The following LRRC8D variants were observed in gnomAD, a reference collection of about 807,000 sequenced individuals.
LRRC8D encodes volume-regulated anion channel subunit LRRC8D.
LRRC8D carries 20 observed loss-of-function variants against 55.8 expected under a neutral mutation model. That is an observed-to-expected ratio of 0.36 (90% CI 0.25 to 0.52). LRRC8D has a LOEUF of 0.52. Among genes scored for constraint, LRRC8D ranks in the 20% least tolerant of loss-of-function variants. LRRC8D has a pLI of 0.93. For missense variants in LRRC8D, 651 were observed against 1,030.8 expected, an observed-to-expected ratio of 0.63 and a Z score of 5.05; for synonymous variants, 352 against 377.0, an observed-to-expected ratio of 0.93 and a Z score of 0.77.
At chr1:89,874,944 A>G (rs1229110242) in intron 2 of LRRC8D, among the ~76,000 whole-genome samples, 4 of 152,140 alleles carry the variant, frequency 2.6e-5, no homozygotes, top group South Asian at 2.1e-4. Flanking sequence ...TACAGTGGGA[A>G]TATGTTCCTA....
chr1:89,926,435 GC>G (rs539731007), intron 2 of LRRC8D, among the ~76,000 whole-genome samples: 1 of 152,208 alleles, frequency 6.6e-6, no homozygotes, highest in South Asian at 2.1e-4. Flanking sequence ...TTGGCACGGG[GC>G]TGGTAGCTTT....
At chr1:89,827,959 A>G (rs115574088) in intron 1 of LRRC8D, among the ~76,000 whole-genome samples, 32 of 152,344 alleles carry the variant, frequency 2.1e-4, no homozygotes, top group Non-Finnish European at 3.5e-4. Context: ...TTAAATACAT[A>G]TATTCAGACC....
intron 2 of LRRC8D, among the ~76,000 whole-genome samples, chr1:89,896,578 C>G (rs1662718993): frequency 1.3e-5 from 2 of 151,988 alleles, no homozygotes; most frequent in African/African-American, 2.4e-5. Context: ...AGGGCAAGCT[C>G]CTGTGTGAAG....
intron 1 of LRRC8D, among the ~76,000 whole-genome samples, chr1:89,841,295 C>A (rs987522767): frequency 2.6e-5 from 4 of 152,040 alleles, no homozygotes; most frequent in African/African-American, 9.7e-5. Context: ...ACTTGAAGGC[C>A]ATGGTCATCT....
At chr1:89,892,765 C>T (rs1409595270) in intron 2 of LRRC8D, among the ~76,000 whole-genome samples, 2 of 152,152 alleles carry the variant, frequency 1.3e-5, no homozygotes, top group Admixed American at 1.3e-4. Context: ...CATGATCCAC[C>T]CACCTCGGCC....
At chr1:89,892,658 A>G (rs1047456138) in intron 2 of LRRC8D, among the ~76,000 whole-genome samples, 1 of 152,130 alleles carries the variant, frequency 6.6e-6, no homozygotes, top group Non-Finnish European at 1.5e-5. Flanking sequence ...AGCTGGGGCT[A>G]TAGGCGCCCG....
At chr1:89,843,496 A>G (rs1261347655) in intron 1 of LRRC8D, 142 bp from the exon 2 acceptor site, 7 of 497,052 alleles carry the variant, frequency 1.4e-5, no homozygotes, top group African/African-American at 5.9e-5. Flanking sequence ...CGCCACGGCC[A>G]GGGGAGCGCT....
chr1:89,837,412 G>A (rs1397394550), intron 1 of LRRC8D, among the ~76,000 whole-genome samples: 1 of 152,104 alleles, frequency 6.6e-6, no homozygotes, highest in Non-Finnish European at 1.5e-5. Context: ...TGTATTTATG[G>A]CACTGTACCT....
chr1:89,926,891 C>T (rs1663577713), intron 2 of LRRC8D, among the ~76,000 whole-genome samples: 1 of 152,188 alleles, frequency 6.6e-6, no homozygotes, highest in Non-Finnish European at 1.5e-5. Context: ...TATTTAATGT[C>T]CACAACTTCC....
intron 2 of LRRC8D, among the ~76,000 whole-genome samples, chr1:89,885,305 A>G (rs1355349925): frequency 6.6e-6 from 1 of 152,214 alleles, no homozygotes; most frequent in South Asian, 2.1e-4. Flanking sequence ...CTTCCTGCCT[A>G]AAATGCTGCA....
At chr1:89,881,783 CT>C (rs1662292892) in intron 2 of LRRC8D, among the ~76,000 whole-genome samples, 1 of 152,212 alleles carries the variant, frequency 6.6e-6, no homozygotes, top group South Asian at 2.1e-4. Flanking sequence ...TCATTTTTAG[CT>C]TCTGTTTTTC....
intron 2 of LRRC8D, among the ~76,000 whole-genome samples, chr1:89,889,519 A>C (rs980197683): frequency 6.6e-6 from 1 of 152,004 alleles, no homozygotes; most frequent in African/African-American, 2.4e-5. Flanking sequence ...AGTATATTGT[A>C]ACTCCTGGCA....
intron 1 of LRRC8D, among the ~76,000 whole-genome samples, chr1:89,821,611 C>G (rs1417209988): frequency 6.6e-6 from 1 of 152,152 alleles, no homozygotes; most frequent in Non-Finnish European, 1.5e-5. Flanking sequence ...CGCGCGCGCT[C>G]CCTTCTCTCA....
intron 2 of LRRC8D, among the ~76,000 whole-genome samples, chr1:89,885,213 C>A (rs577260273): frequency 6.6e-6 from 1 of 152,282 alleles, no homozygotes; most frequent in South Asian, 2.1e-4. Flanking sequence ...CTACTCAGTA[C>A]GAATTTTTGG....
intron 2 of LRRC8D, among the ~76,000 whole-genome samples, chr1:89,847,651 G>T (rs182006948): frequency 1.3e-5 from 2 of 152,058 alleles, no homozygotes; most frequent in African/African-American, 2.4e-5. Flanking sequence ...TTCCCTTCAC[G>T]TATATTATAA....
chr1:89,880,456 AT>A (rs199892284), intron 2 of LRRC8D, among the ~76,000 whole-genome samples: 2,024 of 138,268 alleles, frequency 0.015, 11 homozygotes, highest in African/African-American at 0.029. Flanking sequence ...CCTAGGTTTG[AT>A]TTTTTTTTTT....
intron 2 of LRRC8D, among the ~76,000 whole-genome samples, chr1:89,873,833 T>A (rs1224257867): frequency 1.3e-5 from 2 of 152,236 alleles, no homozygotes; most frequent in African/African-American, 4.8e-5. Flanking sequence ...TGCCGTTTGA[T>A]AATGAACGAC....
chr1:89,904,167 G>A (rs1039040630), intron 2 of LRRC8D, among the ~76,000 whole-genome samples: 4 of 152,194 alleles, frequency 2.6e-5, no homozygotes, highest in African/African-American at 7.2e-5. Context: ...TGGAAGGATC[G>A]TCCTCACCCT....
intron 2 of LRRC8D, among the ~76,000 whole-genome samples, chr1:89,856,461 T>C (rs1010024962): frequency 8.5e-5 from 13 of 152,242 alleles, no homozygotes; most frequent in Non-Finnish European, 1.8e-4. Context: ...CAGATTTTTA[T>C]TTGTGGGATA....
Sources: allele counts gnomAD v4.1 joint callset (sites outside exome capture counted in the v4.1 genomes callset), GRCh38; gene constraint gnomAD v4.1.1; transcripts MANE v1.5; gene names NCBI Gene and HGNC (gene_info 2026-07-23, HGNC 2026-07-21).